Variants in KIF3A observed in about 807,000 individuals in gnomAD.
KIF3A encodes the protein kinesin family member 3A.
Under a neutral mutation model 92.6 loss-of-function variants are expected in KIF3A, and 27 were observed. The observed-to-expected ratio is 0.29, with a 90% CI of 0.21 to 0.40. The LOEUF (loss-of-function observed/expected upper bound fraction) is 0.40. Among genes scored for constraint, KIF3A ranks in the 10% least tolerant of loss-of-function variants. The pLI is 1.00. For missense variants in KIF3A, 581 were observed against 872.6 expected, an observed-to-expected ratio of 0.67 and a Z score of 4.21; for synonymous variants, 250 against 275.4, an observed-to-expected ratio of 0.91 and a Z score of 0.92.
intron 2 of KIF3A, among the ~76,000 whole-genome samples, chr5:132,731,921 G>T (rs987768629): frequency 6.6e-6 from 1 of 152,012 alleles, no homozygotes; most frequent in African/African-American, 2.4e-5. Context: ...ATGTTGGTCA[G>T]GCTAGTCTCG....
At chr5:132,724,267 T>G (rs980067917) in intron 4 of KIF3A, among the ~76,000 whole-genome samples, 2 of 152,124 alleles carry the variant, frequency 1.3e-5, no homozygotes, top group African/African-American at 4.8e-5. Flanking sequence ...GAACTAGAAA[T>G]ACCATTTGAC....
intron 8 of KIF3A, 85 bp downstream of exon 8, chr5:132,715,672 A>C: frequency 1.0e-6 from 1 of 1,003,158 alleles, no homozygotes; most frequent in Non-Finnish European, 1.5e-6. Context: ...AAAAAGGTTT[A>C]ATAGAGGGCT....
At chr5:132,688,838 T>C (rs183927999), downstream of KIF3A, 105 of 152,316 alleles carry the variant, frequency 6.9e-4, no homozygotes, top group Middle Eastern at 3.4e-3. Flanking sequence ...CTTTATTCAG[T>C]TGTAAAGTCC....
Position 132,694,347 on chromosome 5 carries a change from A to C in KIF3A, c.*2287T>G, listed in dbSNP as rs1581055815. On this transcript the variant is annotated 3_prime_UTR_variant, in exon 19 of 19. Transcript: ENST00000403231. Reference sequence around the variant, plus strand: ...CAGTGAGCCGAGATTGTCCCACTGCACTCCAGCCTAGGTAATAGAGCCAGA... The same window carrying C: ...CAGTGAGCCGAGATTGTCCCACTGCCCTCCAGCCTAGGTAATAGAGCCAGA... The C allele has an allele frequency of 6.6e-6, 1 of 152,166 alleles. No individual in the cohort carries two copies. The highest frequency in any genetic ancestry group is 1.5e-5 in the Non-Finnish European group (1 of 68,054). 9.4% of individuals were successfully genotyped at this position (152,166 alleles called of 1,614,324 possible). A position where few individuals can be genotyped will look rare whatever the true frequency, so the allele number is the denominator to read the frequency against.
chr5:132,712,639 G>A (rs1753467800), intron 8 of KIF3A, among the ~76,000 whole-genome samples: 1 of 152,194 alleles, frequency 6.6e-6, no homozygotes, highest in Non-Finnish European at 1.5e-5. Context: ...CAGGACCTTT[G>A]CAGTCTCAAA....
In KIF3A at chr5:132,715,805, G is replaced by A. The variant is rs1188757040; in HGVS notation, c.1081C>T (p.Arg361Cys). Residue 361 changes from arginine to cysteine, a missense_variant, in exon 8 of 19, where the codon CGT becomes TGT. Arg to Cys is a radical substitution (Grantham distance 180). Transcript: ENST00000403231. ...INEDPKDALL[R>C]QFQKEIEELK... ...TCTTCTATTTCTTTCTGGAACTGAC[G>A]CAGCAAAGCATCCTTTGGATCTTCA... 5 of 1,609,978 alleles carry A rather than the reference G, an allele frequency of 3.1e-6. No individual in the cohort carries two copies. Among genetic ancestry groups the A allele is most frequent in the East Asian group, 2.2e-5 (1 of 44,790 alleles).
At chr5:132,717,019 A>G in intron 5 of KIF3A, 35 bp from the exon 6 acceptor site, 1 of 1,597,228 alleles carries the variant, frequency 6.3e-7, no homozygotes, top group Non-Finnish European at 8.6e-7. Context: ...TAAAAGTGTA[A>G]CAGAGAGTGC....
chr5:132,731,990 G>C (rs775669026), intron 2 of KIF3A, among the ~76,000 whole-genome samples: 3 of 152,148 alleles, frequency 2.0e-5, no homozygotes, highest in African/African-American at 7.2e-5. Context: ...TTACAGGCGT[G>C]AGCCACTGTG....
At chr5:132,689,787 T>C (rs1752620115), downstream of KIF3A, 1 of 152,218 alleles carries the variant, frequency 6.6e-6, no homozygotes. Flanking sequence ...TATTATCTTG[T>C]ACATGCCAGG....
intron 8 of KIF3A, among the ~76,000 whole-genome samples, chr5:132,713,019 G>A (rs536798482): frequency 7.9e-5 from 12 of 152,196 alleles, no homozygotes; most frequent in African/African-American, 2.4e-4. Context: ...TTAGCTGGGC[G>A]AGGTGGCATG....
intron 9 of KIF3A, among the ~76,000 whole-genome samples, 200 bp downstream of exon 9, chr5:132,710,759 C>T (rs1351003379): frequency 6.6e-6 from 1 of 152,050 alleles, no homozygotes; most frequent in Non-Finnish European, 1.5e-5. Context: ...TCTAAAAAAA[C>T]AGAACATATA....
chr5:132,726,228 T>A lies in KIF3A; in HGVS notation c.426-16A>T, dbSNP rs747923812. On this transcript the variant is annotated splice_polypyrimidine_tract_variant and intron_variant, in intron 3 of 18. Coordinates refer to ENST00000403231, the MANE Select transcript of KIF3A (RefSeq NM_001300791.2). ...AACCAAAAATCTATAAAACATCATT[T>A]TTAAAAAGTCAAAGAGTGAAATATT... The A allele has an allele frequency of 6.3e-7, 1 of 1,596,360 alleles. No individual in the cohort carries two copies. The highest frequency in any genetic ancestry group is 2.2e-5 in the East Asian group (1 of 44,732).
chr5:132,717,532 T>TA (rs976897169), intron 5 of KIF3A, among the ~76,000 whole-genome samples: 5 of 150,606 alleles, frequency 3.3e-5, no homozygotes, highest in Non-Finnish European at 7.4e-5. Context: ...AGTGCAGCAT[T>TA]AAAAAAAATA....
At chr5:132,720,393 C>A (rs1476768708) in intron 5 of KIF3A, among the ~76,000 whole-genome samples, 2 of 152,148 alleles carry the variant, frequency 1.3e-5, no homozygotes, top group African/African-American at 2.4e-5. Context: ...TAGATTGGCG[C>A]TACTAAAAAG....
intron 2 of KIF3A, among the ~76,000 whole-genome samples, chr5:132,731,329 T>C (rs1754221717): frequency 6.6e-6 from 1 of 152,130 alleles, no homozygotes; most frequent in South Asian, 2.1e-4. Flanking sequence ...CATGACCAAG[T>C]GGCAAAGCTA....
chr5:132,719,305 A>T (rs1055926838), intron 5 of KIF3A, among the ~76,000 whole-genome samples: 9 of 152,192 alleles, frequency 5.9e-5, no homozygotes, highest in Non-Finnish European at 1.3e-4. Flanking sequence ...TAGTTCTTCT[A>T]CGAATAACAT....
Position 132,715,853 on chromosome 5 carries a change from T to C in KIF3A, c.1033A>G (p.Ile345Val). Residue 345 changes from isoleucine to valine, a missense_variant, in exon 8 of 19, where the codon ATT becomes GTT. Ile to Val is a conservative substitution (Grantham distance 29). Coordinates refer to ENST00000403231, the MANE Select transcript of KIF3A (RefSeq NM_001300791.2). Reference sequence around the variant, plus strand: ...TCATTAATTCTAGCTTTATTTTTAATATTCTTAGCACGATTGGCATACCGT... The same window carrying C: ...TCATTAATTCTAGCTTTATTTTTAACATTCTTAGCACGATTGGCATACCGT... ...TLRYANRAKN[I>V]KNKARINEDP... 1.9e-6 allele frequency: 3 copies of C among 1,610,676 alleles called. No homozygotes were observed. In the East Asian group the frequency reaches 6.7e-5, roughly 36 times the overall value.
chr5:132,713,420 A>G (rs914540823), intron 8 of KIF3A, among the ~76,000 whole-genome samples: 2 of 152,210 alleles, frequency 1.3e-5, no homozygotes, highest in African/African-American at 4.8e-5. Context: ...AACTCTCCAT[A>G]TCATGTTTGC....
intron 12 of KIF3A, 131 bp from the exon 13 acceptor site, chr5:132,703,196 T>C (rs1753100519): frequency 2.6e-6 from 2 of 776,236 alleles, no homozygotes; most frequent in African/African-American, 3.5e-5. Flanking sequence ...CTCTGCCAAA[T>C]TACACCACTG....
Sources: gnomAD v4.1 joint callset for allele counts (sites outside exome capture counted in the v4.1 genomes callset) on GRCh38, gnomAD v4.1.1 for gene constraint, MANE v1.5 for transcripts, NCBI Gene and HGNC (gene_info 2026-07-23, HGNC 2026-07-21) for gene names.